The following TC2N variants were observed in gnomAD, a reference collection of about 807,000 sequenced individuals.
TC2N encodes tandem C2 domains nuclear protein.
Under a neutral mutation model 61.9 loss-of-function variants are expected in TC2N, and 51 were observed. The ratio of observed to expected loss-of-function variants is 0.82; its 90% CI spans 0.66 to 1.04. The LOEUF (loss-of-function observed/expected upper bound fraction) is 1.04. TC2N is among the 50% of genes least tolerant of loss of function. The probability of loss-of-function intolerance (pLI) is 0.00; values close to 1 mark genes in which losing one functional copy is unlikely to be tolerated. For missense variants in TC2N, 556 were observed against 566.7 expected, an observed-to-expected ratio of 0.98 and a Z score of 0.19; for synonymous variants, 204 against 192.6, an observed-to-expected ratio of 1.06 and a Z score of -0.49.
In TC2N at chr14:91,792,517, A is replaced by T. The variant is rs1295833288; in HGVS notation, c.897T>A (p.Leu299=). 1 of 1,597,932 alleles carries T rather than the reference A, an allele frequency of 6.3e-7. No homozygotes were observed. The highest frequency in any genetic ancestry group is 8.5e-7 in the Non-Finnish European group (1 of 1,169,908). The part of the protein sequence containing the change: ...FMETFVFAIK[L]QNLQTVRLVF... ...CAAGTCTTACAGTTTGTAGATTTTG[A>T]AGTTTAATAGCAAATACAAACGTTT... Residue 299 remains leucine (L), a synonymous_variant, in exon 9 of 12, where the codon CTT becomes CTA. Coordinates refer to ENST00000435962, the MANE Select transcript of TC2N (RefSeq NM_001128596.3).
rs1230581623 is a variant in TC2N at position 91,792,349 on chromosome 14, C to T, written c.1047+18G>A. ...TTCTAAAAGTATGAAATACTCTTAA[C>T]ATACTATTATCGCTTACAGAAATTT... On this transcript the variant is annotated intron_variant, in intron 9 of 11. Coordinates refer to ENST00000435962, the MANE Select transcript of TC2N (RefSeq NM_001128596.3). 2 of 1,523,808 alleles carry T rather than the reference C, an allele frequency of 1.3e-6. No individual in the cohort carries two copies. The highest frequency in any genetic ancestry group is 2.6e-5 in the South Asian group (2 of 75,682). The allele number at this position is 1,523,808 out of a possible 1,614,324, so 94.4% of individuals were successfully genotyped here. A position where few individuals can be genotyped will look rare whatever the true frequency, so the allele number is the denominator to read the frequency against.
At chr14:91,800,953 T>C (rs546492793) in intron 4 of TC2N, among the ~76,000 whole-genome samples, 27 of 151,470 alleles carry the variant, frequency 1.8e-4, no homozygotes, top group Admixed American at 4.6e-4. Context: ...TATATATATA[T>C]ACACACACAC....
chr14:91,805,249 G>GT (rs1485206200), intron 3 of TC2N, among the ~76,000 whole-genome samples: 1 of 151,250 alleles, frequency 6.6e-6, no homozygotes, highest in Non-Finnish European at 1.5e-5. Context: ...AGTTTAAGAA[G>GT]TAAAAAAAAA....
At chr14:91,809,094 G>T (rs1886653524) in intron 3 of TC2N, among the ~76,000 whole-genome samples, 1 of 152,120 alleles carries the variant, frequency 6.6e-6, no homozygotes, top group Admixed American at 6.6e-5. Context: ...CAGGCACTAG[G>T]TTCATCTTTT....
At chr14:91,813,656 T>C (rs749871999) in intron 2 of TC2N, 47 bp downstream of exon 2, 2 of 1,338,450 alleles carry the variant, frequency 1.5e-6, no homozygotes, top group South Asian at 1.2e-5. Context: ...ATGCCACAAA[T>C]GAAGAAGATG....
intron 1 of TC2N, among the ~76,000 whole-genome samples, chr14:91,824,333 T>A (rs1464251125): frequency 6.6e-6 from 1 of 152,204 alleles, no homozygotes; most frequent in East Asian, 1.9e-4. Flanking sequence ...CACTTCCTTT[T>A]GAGATTCCCA....
intron 1 of TC2N, among the ~76,000 whole-genome samples, chr14:91,827,016 A>T (rs1750101255): frequency 6.6e-6 from 1 of 152,210 alleles, no homozygotes; most frequent in Admixed American, 6.5e-5. Flanking sequence ...TTTAGTCCAG[A>T]TAAACAATCT....
At chr14:91,813,309 A>G (rs1463285132) in intron 2 of TC2N, among the ~76,000 whole-genome samples, 1 of 151,702 alleles carries the variant, frequency 6.6e-6, no homozygotes, top group African/African-American at 2.4e-5. Context: ...GATTGTCTTT[A>G]TTTAAATCAA....
chr14:91,817,506 A>C (rs920588902), intron 1 of TC2N, among the ~76,000 whole-genome samples: 2 of 152,058 alleles, frequency 1.3e-5, no homozygotes, highest in Non-Finnish European at 2.9e-5. Context: ...CTGCTCAAAA[A>C]CAATATTGTA....
intron 1 of TC2N, among the ~76,000 whole-genome samples, chr14:91,846,593 C>G (rs1410184762): frequency 6.6e-6 from 1 of 152,206 alleles, no homozygotes; most frequent in African/African-American, 2.4e-5. Context: ...GTAAAGCTCC[C>G]ACGTGCCCTG....
intron 3 of TC2N, among the ~76,000 whole-genome samples, chr14:91,806,034 G>A (rs781448511): frequency 6.6e-6 from 1 of 152,112 alleles, no homozygotes; most frequent in Non-Finnish European, 1.5e-5. Flanking sequence ...CTGTACTTGT[G>A]GTAGTGAATA....
At chr14:91,844,516 C>T (rs1373352700) in intron 1 of TC2N, among the ~76,000 whole-genome samples, 2 of 152,098 alleles carry the variant, frequency 1.3e-5, no homozygotes. Context: ...GTCATCTCAG[C>T]ACTGTGGGAG....
At chr14:91,844,044 A>G (rs1888215385) in intron 1 of TC2N, among the ~76,000 whole-genome samples, 2 of 118,572 alleles carry the variant, frequency 1.7e-5, no homozygotes, top group African/African-American at 5.5e-5. Context: ...CATTTTTACC[A>G]GAAGAAAGGA....
chr14:91,785,064 G>T, intron 11 of TC2N, 98 bp downstream of exon 11: 1 of 782,054 alleles, frequency 1.3e-6, no homozygotes, highest in Non-Finnish European at 2.0e-6. Context: ...CTGAAGAACT[G>T]TACTCTATTT....
At chr14:91,851,196 T>C (rs1888368359) in intron 1 of TC2N, among the ~76,000 whole-genome samples, 1 of 152,220 alleles carries the variant, frequency 6.6e-6, no homozygotes, top group African/African-American at 2.4e-5. Flanking sequence ...AAACTGGTCC[T>C]GCTGCAAAAA....
intron 1 of TC2N, among the ~76,000 whole-genome samples, chr14:91,852,465 T>G (rs191448328): frequency 2.8e-4 from 42 of 152,232 alleles, no homozygotes; most frequent in African/African-American, 9.6e-4. Context: ...TAGCCTTAAC[T>G]TTTTCAATCG....
intron 1 of TC2N, among the ~76,000 whole-genome samples, chr14:91,861,057 A>G (rs1192344885): frequency 6.6e-6 from 1 of 152,214 alleles, no homozygotes; most frequent in Non-Finnish European, 1.5e-5. Flanking sequence ...GCTGGATACC[A>G]TAATGGAGTG....
intron 1 of TC2N, among the ~76,000 whole-genome samples, chr14:91,826,695 G>A (rs1887515452): frequency 6.6e-6 from 1 of 151,940 alleles, no homozygotes; most frequent in Admixed American, 6.6e-5. Flanking sequence ...GTTAGATTGT[G>A]TTCTACTATC....
chr14:91,845,232 AAAATAAATAAAT>A (rs3030732), intron 1 of TC2N, among the ~76,000 whole-genome samples: 6,400 of 147,112 alleles, frequency 0.044, 366 homozygotes, highest in African/African-American at 0.13. Context: ...ACTCCATCTC[AAAATAAATAAAT>A]AAATAAATAA....
Sources: allele counts gnomAD v4.1 joint callset (sites outside exome capture counted in the v4.1 genomes callset), GRCh38; gene constraint gnomAD v4.1.1; transcripts MANE v1.5; gene names NCBI Gene and HGNC (gene_info 2026-07-23, HGNC 2026-07-21).